STK3: variants seen among roughly 807,000 people sequenced by gnomAD.
The protein encoded by STK3 is serine/threonine kinase 3, also known as serine/threonine-protein kinase 3.
In STK3, 41 loss-of-function variants were observed where a neutral mutation model predicts 58.0. That is an observed-to-expected ratio of 0.71 (90% confidence interval 0.55 to 0.92). The LOEUF is 0.92. STK3 is among the 40% of genes least tolerant of loss of function. The pLI is 0.00. For missense variants in STK3, 479 were observed against 602.7 expected (o/e 0.79, Z 2.15); for synonymous variants, 170 against 191.0 (o/e 0.89, Z 0.91).
At position 98,766,569 on chromosome 8, in the gene STK3, T is replaced by C. The variant is rs190400763; in HGVS notation, c.236+674A>G. Among the ~76,000 whole-genome samples, 1,304 of 152,260 alleles carry C rather than the reference T, an allele frequency of 8.6e-3. 9 individuals carry two copies. The highest frequency in any genetic ancestry group is 0.03 in the African/African-American group (1,228 of 41,550). ...AGTAGCTAGAACTACAAGTCCAAGC[T>C]ACCACCTGGATAATTTTTTCTTTTT... On this transcript the variant is annotated intron_variant, in intron 3 of 10. Transcript: ENST00000419617.
At chr8:98,819,292 T>C (rs571890769) in intron 1 of STK3, among the ~76,000 whole-genome samples, 1 of 152,274 alleles carries the variant, frequency 6.6e-6, no homozygotes, top group Non-Finnish European at 1.5e-5. Context: ...TCAATGAATT[T>C]TTTTTTTTAA....
At chr8:98,939,881 CT>C (rs1011674796) in intron 1 of STK3, among the ~76,000 whole-genome samples, 7 of 152,254 alleles carry the variant, frequency 4.6e-5, no homozygotes, top group Non-Finnish European at 7.3e-5. Context: ...GAGAGCCCCC[CT>C]CTCCCCGGAT....
At chr8:98,643,577 T>C (rs977893845) in intron 6 of STK3, among the ~76,000 whole-genome samples, 1 of 152,248 alleles carries the variant, frequency 6.6e-6, no homozygotes, top group African/African-American at 2.4e-5. Flanking sequence ...TGATATATTT[T>C]ATGTATGTGT....
intron 1 of STK3, among the ~76,000 whole-genome samples, chr8:98,776,726 A>T (rs1322710079): frequency 6.6e-6 from 1 of 151,870 alleles, no homozygotes; most frequent in Non-Finnish European, 1.5e-5. Flanking sequence ...CAAGGCAATG[A>T]CTTTGAAGGA....
chr8:98,474,208 T>A (rs923483531), intron 10 of STK3, among the ~76,000 whole-genome samples: 8 of 152,190 alleles, frequency 5.3e-5, no homozygotes, highest in African/African-American at 1.4e-4. Flanking sequence ...AGCCCTCTTA[T>A]CTTGAGCACA....
At chr8:98,893,877 G>A (rs1403994105) in intron 1 of STK3, among the ~76,000 whole-genome samples, 1 of 152,234 alleles carries the variant, frequency 6.6e-6, no homozygotes, top group Admixed American at 6.5e-5. Context: ...GTCACAGATG[G>A]TTATGAATAA....
intron 9 of STK3, among the ~76,000 whole-genome samples, chr8:98,545,415 C>T (rs1810620480): frequency 6.6e-6 from 1 of 152,140 alleles, no homozygotes; most frequent in Non-Finnish European, 1.5e-5. Flanking sequence ...TTGCTAAAAA[C>T]AGGTTTAGAA....
At chr8:98,497,391 TA>T (rs1197531869) in intron 10 of STK3, among the ~76,000 whole-genome samples, 3 of 152,010 alleles carry the variant, frequency 2.0e-5, no homozygotes, top group Non-Finnish European at 2.9e-5. Context: ...AGCTACACAA[TA>T]ATTTTCTTAG....
chr8:98,677,040 T>A (rs1264296310), intron 6 of STK3, among the ~76,000 whole-genome samples: 1 of 152,204 alleles, frequency 6.6e-6, no homozygotes, highest in Non-Finnish European at 1.5e-5. Context: ...GCTTCTGCAT[T>A]AATAAGCAGT....
At chr8:98,511,030 G>T (rs1824473104) in intron 10 of STK3, among the ~76,000 whole-genome samples, 1 of 151,894 alleles carries the variant, frequency 6.6e-6, no homozygotes, top group African/African-American at 2.4e-5. Flanking sequence ...TATAAAATTA[G>T]AACATTAAAT....
At chr8:98,670,058 C>T (rs987854687) in intron 6 of STK3, among the ~76,000 whole-genome samples, 1 of 152,028 alleles carries the variant, frequency 6.6e-6, no homozygotes, top group African/African-American at 2.4e-5. Flanking sequence ...AATTAGTACT[C>T]ACAACACTGT....
chr8:98,429,434 C>G (rs756435012), intron 3 of STK3: 1 of 1,539,112 alleles, frequency 6.5e-7, no homozygotes, highest in Non-Finnish European at 8.9e-7. Context: ...TTGTCACCCT[C>G]CACCCCACAT....
chr8:98,829,228 C>T (rs1291137353), upstream of STK3, among the ~76,000 whole-genome samples: 1 of 152,154 alleles, frequency 6.6e-6, no homozygotes, highest in East Asian at 1.9e-4. Flanking sequence ...CCTAATTATT[C>T]CTCCTTCCCC....
At chr8:98,713,278 T>C (rs1343687873) in intron 4 of STK3, among the ~76,000 whole-genome samples, 3 of 151,874 alleles carry the variant, frequency 2.0e-5, no homozygotes, top group Non-Finnish European at 4.4e-5. Flanking sequence ...AAGAAATAAC[T>C]AAGATCAGAG....
intron 2 of STK3, among the ~76,000 whole-genome samples, chr8:98,435,825 C>A (rs1359477681): frequency 6.6e-6 from 1 of 152,136 alleles, no homozygotes; most frequent in Non-Finnish European, 1.5e-5. Flanking sequence ...CCTGAGGGAG[C>A]CTGGCATGAG....
intron 10 of STK3, among the ~76,000 whole-genome samples, chr8:98,483,557 A>G (rs1200063598): frequency 6.6e-6 from 1 of 152,222 alleles, no homozygotes; most frequent in Non-Finnish European, 1.5e-5. Context: ...AAATCAATAA[A>G]TTCAAATTGT....
intron 3 of STK3, among the ~76,000 whole-genome samples, chr8:98,872,803 T>C (rs888788348): frequency 4.6e-5 from 7 of 152,218 alleles, no homozygotes; most frequent in Admixed American, 1.3e-4. Context: ...CCTGGATTCA[T>C]TGATTTTTTG....
chr8:98,620,297 C>A (rs1237485998), intron 6 of STK3, among the ~76,000 whole-genome samples: 3 of 116,576 alleles, frequency 2.6e-5, no homozygotes, highest in Admixed American at 9.7e-5. Flanking sequence ...AGGGGAATAT[C>A]ACACTCTGGG....
intron 6 of STK3, among the ~76,000 whole-genome samples, chr8:98,665,778 A>C (rs540236876): frequency 6.7e-6 from 1 of 149,428 alleles, no homozygotes; most frequent in South Asian, 2.1e-4. Context: ...ATCTCGGCTC[A>C]CTGCAAGCTC....
Sources: allele counts gnomAD v4.1 joint callset (sites outside exome capture counted in the v4.1 genomes callset), GRCh38; gene constraint gnomAD v4.1.1; transcripts MANE v1.5; gene names NCBI Gene and HGNC (gene_info 2026-07-23, HGNC 2026-07-21).